Variants in SCD5 observed in about 807,000 individuals in gnomAD.
The protein encoded by SCD5 is stearoyl-CoA desaturase 5.
A neutral mutation model predicts 30.4 loss-of-function variants in SCD5; 20 were observed. The observed-to-expected ratio is 0.66, with a 90% CI of 0.46 to 0.96. The LOEUF is 0.96. SCD5 is among the 40% of genes least tolerant of loss of function. The pLI, the probability that SCD5 is intolerant of heterozygous loss-of-function variation, is 0.00. For synonymous variants in SCD5, 173 were observed against 176.4 expected (o/e 0.98, Z 0.16); for missense variants, 381 against 443.3 (o/e 0.86, Z 1.26).
chr4:82,670,658 C>G (rs1188069451), intron 3 of SCD5, among the ~76,000 whole-genome samples: 3 of 151,294 alleles, frequency 2.0e-5, no homozygotes, highest in Non-Finnish European at 2.9e-5. Context: ...AATTCCATAT[C>G]AATTGATATG....
At chr4:82,735,363 T>C (rs1720728556) in intron 1 of SCD5, among the ~76,000 whole-genome samples, 1 of 152,158 alleles carries the variant, frequency 6.6e-6, no homozygotes. Context: ...GGTGGGATGG[T>C]GTCCTGTCCA....
At chr4:82,655,742 C>T in intron 3 of SCD5, among the ~76,000 whole-genome samples, 1 of 152,186 alleles carries the variant, frequency 6.6e-6, no homozygotes, top group East Asian at 1.9e-4. Flanking sequence ...TTAACTTTCA[C>T]ATGTATTAAC....
In SCD5 at chr4:82,631,125, C is replaced by CAAA. The variant is rs35490627; in HGVS notation, c.*199_*201dup. The CAAA allele has an allele frequency of 3.1e-4, 130 of 416,516 alleles. No individual in the cohort carries two copies. The highest frequency in any genetic ancestry group is 7.6e-4 in the East Asian group (18 of 23,788). 25.8% of individuals were successfully genotyped at this position (416,516 alleles called of 1,614,324 possible). ...GACTCTGTCTCAAAAACAAAACAAA[C>CAAA]AAAAAAAAAAACGAAAGTTTTTTCA... On this transcript the variant is annotated 3_prime_UTR_variant, in exon 5 of 5. Transcript: ENST00000319540.
intron 1 of SCD5, among the ~76,000 whole-genome samples, chr4:82,762,563 C>A (rs1037641403): frequency 1.8e-4 from 27 of 152,244 alleles, no homozygotes; most frequent in African/African-American, 6.5e-4. Flanking sequence ...AAATTGATGA[C>A]TTAGGTCCAG....
intron 1 of SCD5, among the ~76,000 whole-genome samples, chr4:82,730,747 G>A (rs932019325): frequency 2.9e-4 from 44 of 151,702 alleles, no homozygotes; most frequent in Middle Eastern, 6.8e-3. Flanking sequence ...CACCACGCCC[G>A]GCTAATTTTT....
chr4:82,690,849 T>C (rs1482579126), intron 2 of SCD5, among the ~76,000 whole-genome samples: 2 of 152,232 alleles, frequency 1.3e-5, no homozygotes, highest in East Asian at 1.9e-4. Flanking sequence ...CAATTGAGGC[T>C]GTGTCCTCAA....
chr4:82,651,756 A>G (rs1001518991), intron 3 of SCD5, among the ~76,000 whole-genome samples: 7 of 152,138 alleles, frequency 4.6e-5, no homozygotes, highest in African/African-American at 1.4e-4. Context: ...TCTACAAAAA[A>G]TACAAAATCA....
intron 1 of SCD5, among the ~76,000 whole-genome samples, chr4:82,755,374 C>G (rs1721213501): frequency 6.6e-6 from 1 of 151,998 alleles, no homozygotes; most frequent in Non-Finnish European, 1.5e-5. Context: ...GTGGCACACG[C>G]CTGTAATTCC....
At chr4:82,731,892 C>T (rs377350560) in intron 1 of SCD5, among the ~76,000 whole-genome samples, 19 of 152,234 alleles carry the variant, frequency 1.2e-4, no homozygotes, top group Admixed American at 3.3e-4. Flanking sequence ...ACACTATTAC[C>T]TTTTACTTTG....
intron 3 of SCD5, among the ~76,000 whole-genome samples, chr4:82,665,045 C>CACACACACACAT (rs3047047): frequency 5.1e-5 from 6 of 118,044 alleles, no homozygotes; most frequent in Admixed American, 1.7e-4. Context: ...CACACACACA[C>CACACACACACAT]ATATATACAC....
rs58937590 is a variant in SCD5, at chr4:82,687,173, GAA to G, written c.364-6263_364-6262del. On this transcript the variant is annotated intron_variant, in intron 2 of 4. Coordinates refer to ENST00000319540, the MANE Select transcript of SCD5 (RefSeq NM_001037582.3). ...GCAACAGAGTAAGACCTTGTTACAA[GAA>G]AAAAAAAAAAAAAAGAAAGAAAGAA... Among the ~76,000 whole-genome samples the G allele has an allele frequency of 1.4e-3, 153 of 108,604 alleles. 1 individual carries two copies. The highest frequency in any genetic ancestry group is 4.0e-3 in the East Asian group (15 of 3,712). 71.2% of individuals were successfully genotyped at this position (108,604 alleles called of 152,430 possible).
intron 3 of SCD5, among the ~76,000 whole-genome samples, chr4:82,641,217 G>A (rs72911255): frequency 0.049 from 5,799 of 118,220 alleles, 156 homozygotes; most frequent in Middle Eastern, 0.2. Flanking sequence ...TCATGCCATT[G>A]CACTCCAGCC....
chr4:82,632,822 T>C (rs1727350080), intron 4 of SCD5, among the ~76,000 whole-genome samples: 1 of 152,198 alleles, frequency 6.6e-6, no homozygotes, highest in Non-Finnish European at 1.5e-5. Flanking sequence ...TCTCATGGCT[T>C]CTCTGATTTG....
intron 1 of SCD5, among the ~76,000 whole-genome samples, chr4:82,776,736 T>C (rs950545676): frequency 4.4e-4 from 67 of 152,214 alleles, no homozygotes; most frequent in Admixed American, 4.1e-3. Flanking sequence ...AGAAGTTCCA[T>C]AAAGTATGGA....
intron 1 of SCD5, among the ~76,000 whole-genome samples, chr4:82,781,002 T>C (rs1312155834): frequency 6.6e-6 from 1 of 152,142 alleles, no homozygotes; most frequent in Non-Finnish European, 1.5e-5. Flanking sequence ...ACCAGCCTCC[T>C]CACACTCACA....
intron 1 of SCD5, among the ~76,000 whole-genome samples, chr4:82,754,901 T>C (rs761878831): frequency 2.0e-5 from 3 of 152,142 alleles, no homozygotes; most frequent in Non-Finnish European, 2.9e-5. Flanking sequence ...CTCAGGAGTC[T>C]GAGGCTTTGA....
At chr4:82,693,965 C>T (rs1053370382) in intron 2 of SCD5, among the ~76,000 whole-genome samples, 4 of 152,240 alleles carry the variant, frequency 2.6e-5, no homozygotes, top group African/African-American at 4.8e-5. Context: ...AGAGGGAATG[C>T]GGAGGGCAGG....
At chr4:82,642,531 T>C (rs1727566281) in intron 3 of SCD5, among the ~76,000 whole-genome samples, 2 of 152,236 alleles carry the variant, frequency 1.3e-5, no homozygotes, top group South Asian at 4.1e-4. Flanking sequence ...TCCCCAGCCC[T>C]GGCTGACTTG....
At position 82,640,645 on chromosome 4, in the gene SCD5, G is replaced by A. The variant is rs549301616; in HGVS notation, c.570-3822C>T. ...ACTTAGCAAATCTTTCCCAAGTAGG[G>A]AGTATCCCTTCCTCCTGTGCACTTT... On this transcript the variant is annotated intron_variant, in intron 3 of 4. Transcript: ENST00000319540. Among the ~76,000 whole-genome samples, 5 of 152,288 alleles carry A rather than the reference G, an allele frequency of 3.3e-5. No homozygotes were observed. The East Asian group carries it at 9.7e-4, about 29-fold the overall frequency.
Sources: gnomAD v4.1 joint callset for allele counts (sites outside exome capture counted in the v4.1 genomes callset) on GRCh38, gnomAD v4.1.1 for gene constraint, MANE v1.5 for transcripts, NCBI Gene and HGNC (gene_info 2026-07-23, HGNC 2026-07-21) for gene names.